Variants in PKP4 observed in about 807,000 individuals in gnomAD.
PKP4 encodes plakophilin-4.
In PKP4, 90 loss-of-function variants were observed where a neutral mutation model predicts 145.1. The ratio of observed to expected loss-of-function variants is 0.62; its 90% CI spans 0.52 to 0.74. The LOEUF (loss-of-function observed/expected upper bound fraction) is 0.74, where lower values mean the gene tolerates loss of function less well. Among genes scored for constraint, PKP4 ranks in the 30% least tolerant of loss-of-function variants. The pLI, the probability that PKP4 is intolerant of heterozygous loss-of-function variation, is 0.00. For missense variants in PKP4, 1,340 were observed against 1,482.7 expected, an observed-to-expected ratio of 0.90 and a Z score of 1.58; for synonymous variants, 563 against 577.2, an observed-to-expected ratio of 0.98 and a Z score of 0.35.
At position 158,669,786 on chromosome 2, in the gene PKP4, A is replaced by G. The variant is rs753567265; in HGVS notation, c.2795A>G (p.Asp932Gly). 1.3e-5 allele frequency: 21 copies of G among 1,613,546 alleles called. No individual in the cohort carries two copies. Among genetic ancestry groups the G allele is most frequent in the South Asian group, 2.2e-5 (2 of 91,000 alleles). ...PGGNGPSVLS[D>G]ETMAAICCAL... ...GGCAATGGCCCCAGTGTCTTGTCTG[A>G]TGAGACCATGGCAGCCATCTGCTGT... is the stretch of plus-strand genomic sequence containing the variant. Residue 932 changes from aspartate to glycine, a missense_variant, in exon 17 of 22, where the codon GAT becomes GGT. Coordinates refer to ENST00000389759, the MANE Select transcript of PKP4 (RefSeq NM_003628.6).
chr2:158,532,009 G>A (rs568265605), intron 1 of PKP4, among the ~76,000 whole-genome samples: 1 of 152,282 alleles, frequency 6.6e-6, no homozygotes, highest in African/African-American at 2.4e-5. Context: ...AGGAGAGTAG[G>A]GAAGAAGATG....
chr2:158,551,394 A>G (rs1441619892), intron 2 of PKP4, among the ~76,000 whole-genome samples: 1 of 152,198 alleles, frequency 6.6e-6, no homozygotes, highest in Non-Finnish European at 1.5e-5. Context: ...AGCGATTCCC[A>G]AGGTAATTGA....
At chr2:158,662,810 T>G in intron 13 of PKP4, 87 bp from the exon 14 acceptor site, 1 of 973,198 alleles carries the variant, frequency 1.0e-6, no homozygotes, top group Non-Finnish European at 1.5e-6. Context: ...TATTTCCCAT[T>G]TATTTCCTGT....
At chr2:158,479,753 ACT>A (rs1693055462) in intron 1 of PKP4, among the ~76,000 whole-genome samples, 1 of 152,100 alleles carries the variant, frequency 6.6e-6, no homozygotes, top group Non-Finnish European at 1.5e-5. Flanking sequence ...AGCATTAATA[ACT>A]CTTGATTTAT....
At chr2:158,516,806 C>T (rs1279902126) in intron 1 of PKP4, among the ~76,000 whole-genome samples, 2 of 151,946 alleles carry the variant, frequency 1.3e-5, no homozygotes, top group Non-Finnish European at 2.9e-5. Context: ...GGATTACAGG[C>T]ACTTGCCACC....
Position 158,658,282 on chromosome 2 carries a change from AC to A in PKP4, c.2062del (p.Leu688Ter). 6.2e-7 allele frequency: 1 copy of A among 1,606,470 alleles called. No homozygotes were observed. The highest frequency in any genetic ancestry group is 8.5e-7 in the Non-Finnish European group (1 of 1,175,076). On this transcript the variant is annotated frameshift_variant, in exon 12 of 22. Coordinates refer to ENST00000389759, the MANE Select transcript of PKP4 (RefSeq NM_003628.6). LOFTEE classifies it high-confidence loss of function. ...ATCATAAAATTAAATTTCAGACTTC[AC>A]TAGTTCTGCGTAACACGACAGGTTG... ...DDHKIKFQTS[L>X]VLRNTTGCLR...
intron 2 of PKP4, among the ~76,000 whole-genome samples, chr2:158,572,433 A>G (rs2047487001): frequency 6.6e-6 from 1 of 152,266 alleles, no homozygotes; most frequent in Non-Finnish European, 1.5e-5. Flanking sequence ...AACTAAAACC[A>G]AAATGCAAAT....
chr2:158,484,249 T>A, intron 1 of PKP4, among the ~76,000 whole-genome samples: 1 of 151,802 alleles, frequency 6.6e-6, no homozygotes. Flanking sequence ...GGGTTTCACC[T>A]TGTTAGCCAG....
At chr2:158,528,283 T>C (rs1054522760) in intron 1 of PKP4, among the ~76,000 whole-genome samples, 13 of 149,088 alleles carry the variant, frequency 8.7e-5, no homozygotes, top group Non-Finnish European at 1.5e-4. Flanking sequence ...GTGGCACATA[T>C]ACACCATGGA....
At chr2:158,565,435 C>CTTTTTTTTTTTTTTTTTTTTCTTTT (rs10690465) in intron 2 of PKP4, among the ~76,000 whole-genome samples, 10 of 135,758 alleles carry the variant, frequency 7.4e-5, no homozygotes, top group South Asian at 2.3e-4. Flanking sequence ...TTCTTTTTTC[C>CTTTTTTTTTTTTTTTTTTTTCTTTT]TTTTTTTTTT....
At chr2:158,591,616 C>G (rs1182457572) in intron 3 of PKP4, among the ~76,000 whole-genome samples, 1 of 151,920 alleles carries the variant, frequency 6.6e-6, no homozygotes, top group Non-Finnish European at 1.5e-5. Context: ...AATTTTCTGA[C>G]TGAAATTGCA....
intron 11 of PKP4, among the ~76,000 whole-genome samples, chr2:158,646,496 G>A (rs1215133732): frequency 6.6e-6 from 1 of 152,106 alleles, no homozygotes; most frequent in Non-Finnish European, 1.5e-5. Context: ...TTTTTTGTGT[G>A]TGTACATGTA....
chr2:158,659,588 T>G (rs1294924477), intron 12 of PKP4: 1 of 152,188 alleles, frequency 6.6e-6, no homozygotes, highest in African/African-American at 2.4e-5. Context: ...GAATGGTTAC[T>G]TTGGTGGTCA....
At chr2:158,669,666 T>A in intron 16 of PKP4, 54 bp from the exon 17 acceptor site, 1 of 1,357,292 alleles carries the variant, frequency 7.4e-7, no homozygotes, top group Non-Finnish European at 9.8e-7. Flanking sequence ...TGAACAACAA[T>A]AACAAAAACC....
chr2:158,553,807 A>G (rs1039389519), intron 2 of PKP4, among the ~76,000 whole-genome samples: 9 of 152,166 alleles, frequency 5.9e-5, no homozygotes, highest in Non-Finnish European at 1.0e-4. Context: ...TCACAGAATC[A>G]ATAGTTGGAG....
chr2:158,507,097 C>G (rs1237609519), intron 1 of PKP4, among the ~76,000 whole-genome samples: 1 of 152,188 alleles, frequency 6.6e-6, no homozygotes, highest in Admixed American at 6.5e-5. Context: ...CTTTCTTTTG[C>G]TTTGAAGGCC....
At chr2:158,610,881 G>A (rs1178852594) in intron 4 of PKP4, among the ~76,000 whole-genome samples, 1 of 152,202 alleles carries the variant, frequency 6.6e-6, no homozygotes, top group African/African-American at 2.4e-5. Flanking sequence ...GCTGGAATGT[G>A]CTGCTCTGTC....
intron 2 of PKP4, among the ~76,000 whole-genome samples, chr2:158,552,732 C>T (rs567763592): frequency 1.1e-4 from 16 of 152,244 alleles, no homozygotes; most frequent in Middle Eastern, 3.4e-3. Context: ...TTTGGTTTCC[C>T]AGTGCACATA....
intron 1 of PKP4, among the ~76,000 whole-genome samples, chr2:158,495,645 C>T (rs1305947304): frequency 1.3e-5 from 2 of 151,806 alleles, no homozygotes; most frequent in Non-Finnish European, 2.9e-5. Flanking sequence ...ACCAGCCTGG[C>T]CAACATGGTG....
Sources: gnomAD v4.1 joint callset for allele counts (sites outside exome capture counted in the v4.1 genomes callset) on GRCh38, gnomAD v4.1.1 for gene constraint, MANE v1.5 for transcripts, NCBI Gene and HGNC (gene_info 2026-07-23, HGNC 2026-07-21) for gene names.